Variants in TOR1AIP2 observed in about 807,000 individuals in gnomAD.
The protein encoded by TOR1AIP2 is torsin 1A interacting protein 2, also known as torsin-1A-interacting protein 2.
In TOR1AIP2, 20 loss-of-function variants were observed where a neutral mutation model predicts 32.6. The observed-to-expected ratio is 0.61, with a 90% CI of 0.43 to 0.89. The LOEUF is 0.89. TOR1AIP2 is among the 40% of genes least tolerant of loss of function. The probability of loss-of-function intolerance (pLI) is 0.00; values close to 1 mark genes in which losing one functional copy is unlikely to be tolerated. For synonymous variants in TOR1AIP2, 214 were observed against 210.8 expected (o/e 1.02, Z -0.13); for missense variants, 456 against 553.8 (o/e 0.82, Z 1.77).
chr1:179,852,974 T>C (rs958462283), intron 3 of TOR1AIP2, among the ~76,000 whole-genome samples, 163 bp from the exon 4 acceptor site: 1 of 152,208 alleles, frequency 6.6e-6, no homozygotes, highest in Non-Finnish European at 1.5e-5. Context: ...TTCCAAATCC[T>C]AGACTACTGA....
intron 3 of TOR1AIP2, chr1:179,864,246 G>A (rs2148447439): frequency 2.0e-6 from 2 of 985,386 alleles, no homozygotes; most frequent in South Asian, 4.7e-5. Context: ...ATGAATAAAT[G>A]GCTATATAAG....
intron 3 of TOR1AIP2, chr1:179,863,696 AAAG>A (rs1460206797): frequency 2.0e-6 from 2 of 984,494 alleles, no homozygotes; most frequent in African/African-American, 1.8e-5. Flanking sequence ...AAAAAAAAAA[AAAG>A]AGGATCGCAA....
At position 179,852,812 on chromosome 1, in the gene TOR1AIP2, C is replaced by A; in HGVS notation, c.-146-1G>T. The A allele has an allele frequency of 7.1e-7, 1 of 1,416,712 alleles. No individual in the cohort carries two copies. Among genetic ancestry groups the A allele is most frequent in the Non-Finnish European group, 9.3e-7 (1 of 1,079,248 alleles). 87.8% of individuals were successfully genotyped at this position (1,416,712 alleles called of 1,614,324 possible). ...AGGAAATAAGGCATATATACAGTGA[C>A]TAAAACAAAATGAAAAAAAATTAAA... is the stretch of plus-strand genomic sequence containing the variant. On this transcript the variant is annotated splice_acceptor_variant, in intron 3 of 6. Coordinates refer to ENST00000609928, the MANE Select transcript of TOR1AIP2 (RefSeq NM_001199260.2). LOFTEE classifies it low-confidence loss of function (5UTR_SPLICE).
chr1:179,864,930 C>G (rs1199010447), intron 3 of TOR1AIP2: 1 of 1,613,898 alleles, frequency 6.2e-7, no homozygotes, highest in African/African-American at 1.3e-5. Flanking sequence ...CAAGCTTTCT[C>G]AAAGGTCCAT....
At chr1:179,848,958 G>A (rs1195594030) in intron 5 of TOR1AIP2, among the ~76,000 whole-genome samples, 3 of 151,554 alleles carry the variant, frequency 2.0e-5, no homozygotes, top group Non-Finnish European at 4.4e-5. Context: ...GTGAAATCCC[G>A]TCTCTACTAA....
At chr1:179,848,212 C>T (rs576422829) in intron 5 of TOR1AIP2, among the ~76,000 whole-genome samples, 5 of 152,164 alleles carry the variant, frequency 3.3e-5, no homozygotes, top group East Asian at 1.9e-4. Context: ...TTAAATAGTG[C>T]GGCCAAACTT....
chr1:179,859,120 T>C, intron 3 of TOR1AIP2: 1 of 985,306 alleles, frequency 1.0e-6, no homozygotes. Flanking sequence ...GAAACTGGTA[T>C]CTTGGCCCTG....
intron 2 of TOR1AIP2, among the ~76,000 whole-genome samples, chr1:179,869,578 A>G (rs1438765360): frequency 6.6e-6 from 1 of 152,268 alleles, no homozygotes; most frequent in South Asian, 2.1e-4. Flanking sequence ...TCAGAGGCAA[A>G]GCAGGTAACT....
At chr1:179,868,067 C>T (rs1036717634) in intron 2 of TOR1AIP2, 2 of 152,274 alleles carry the variant, frequency 1.3e-5, no homozygotes, top group African/African-American at 2.4e-5. Context: ...CTATCCCCAC[C>T]CCAACACTCA....
chr1:179,865,770 T>C lies in TOR1AIP2; in HGVS notation c.-481A>G, dbSNP rs1696746238. On this transcript the variant is annotated 5_prime_UTR_variant, in exon 3 of 7. Coordinates refer to ENST00000609928, the MANE Select transcript of TOR1AIP2 (RefSeq NM_001199260.2). The stretch of plus-strand genomic sequence containing the variant: ...TTGATCGTGGATCCAATGAAGTCTG[T>C]CTTGGGAGGACATTAATCAGGACCC... 1 of 152,822 alleles carries C rather than the reference T, an allele frequency of 6.5e-6. No individual in the cohort carries two copies. The highest frequency in any genetic ancestry group is 1.5e-5 in the Non-Finnish European group (1 of 68,186). The allele number at this position is 152,822 out of a possible 1,614,324, so 9.5% of individuals were successfully genotyped here. A position where few individuals can be genotyped will look rare whatever the true frequency, so the allele number is the denominator to read the frequency against.
chr1:179,876,462 T>C (rs935298983), intron 2 of TOR1AIP2, among the ~76,000 whole-genome samples: 1 of 152,246 alleles, frequency 6.6e-6, no homozygotes, highest in African/African-American at 2.4e-5. Context: ...AGTTGTGGAC[T>C]GCACGTTCAG....
chr1:179,846,833 C>A lies in TOR1AIP2; in HGVS notation c.656-5G>T. 2 of 1,570,414 alleles carry A rather than the reference C, an allele frequency of 1.3e-6. No homozygotes were observed. The highest frequency in any genetic ancestry group is 1.2e-5 in the South Asian group (1 of 85,598). On this transcript the variant is annotated splice_region_variant and splice_polypyrimidine_tract_variant and intron_variant, in intron 6 of 6. Coordinates refer to ENST00000609928, the MANE Select transcript of TOR1AIP2 (RefSeq NM_001199260.2). ...GGACGACAAGAATCACAGGGCCTGTCAAAAGAATGAAAAAGGAATAGAAAA... is the reference window on the plus strand; with the variant it reads ...GGACGACAAGAATCACAGGGCCTGTAAAAAGAATGAAAAAGGAATAGAAAA...
At chr1:179,871,638 T>C (rs1697013768) in intron 2 of TOR1AIP2, among the ~76,000 whole-genome samples, 2 of 152,216 alleles carry the variant, frequency 1.3e-5, no homozygotes, top group South Asian at 4.1e-4. Flanking sequence ...CAATTCCTCA[T>C]ATGATACATA....
intron 5 of TOR1AIP2, among the ~76,000 whole-genome samples, chr1:179,849,084 C>G (rs1464780001): frequency 6.6e-6 from 1 of 151,754 alleles, no homozygotes; most frequent in East Asian, 1.9e-4. Context: ...TGCAGTGAGC[C>G]GAGACAGCGC....
intron 3 of TOR1AIP2, chr1:179,862,480 G>A (rs1180378594): frequency 2.0e-6 from 2 of 985,282 alleles, no homozygotes; most frequent in Admixed American, 6.2e-5. Context: ...TATAACAGGA[G>A]AGAACCTCCA....
At position 179,846,838 on chromosome 1, in the gene TOR1AIP2, G is replaced by T. The variant is rs1695927272; in HGVS notation, c.656-10C>A. 1.3e-6 allele frequency: 2 copies of T among 1,568,038 alleles called. No homozygotes were observed. The highest frequency in any genetic ancestry group is 1.7e-6 in the Non-Finnish European group (2 of 1,158,092). ...ACAAGAATCACAGGGCCTGTCAAAA[G>T]AATGAAAAAGGAATAGAAAATTACA... On this transcript the variant is annotated splice_polypyrimidine_tract_variant and intron_variant, in intron 6 of 6. Coordinates refer to ENST00000609928, the MANE Select transcript of TOR1AIP2 (RefSeq NM_001199260.2).
At chr1:179,855,680 TTTTTAG>T (rs1696270980) in intron 3 of TOR1AIP2, among the ~76,000 whole-genome samples, 2 of 152,184 alleles carry the variant, frequency 1.3e-5, no homozygotes, top group South Asian at 4.1e-4. Flanking sequence ...AGCAACTCCA[TTTTTAG>T]ACGTATAATA....
intron 5 of TOR1AIP2, among the ~76,000 whole-genome samples, chr1:179,849,031 G>A (rs927659175): frequency 6.6e-6 from 1 of 152,092 alleles, no homozygotes; most frequent in African/African-American, 2.4e-5. Context: ...AGCTACTCGG[G>A]AGGCTGAGGC....
intron 2 of TOR1AIP2, chr1:179,869,262 CA>C: frequency 6.6e-6 from 1 of 152,034 alleles, no homozygotes; most frequent in East Asian, 1.9e-4. Context: ...AGGCGTAAGC[CA>C]CCGTGCCCGG....
Sources: allele counts gnomAD v4.1 joint callset (sites outside exome capture counted in the v4.1 genomes callset), GRCh38; gene constraint gnomAD v4.1.1; transcripts MANE v1.5; gene names NCBI Gene and HGNC (gene_info 2026-07-23, HGNC 2026-07-21).